Variants in MYOT observed in about 807,000 individuals in gnomAD.
MYOT encodes 57 kDa cytoskeletal protein.
In MYOT, 36 loss-of-function variants were observed where a neutral mutation model predicts 58.0. The ratio of observed to expected loss-of-function variants is 0.62; its 90% CI spans 0.48 to 0.82. The LOEUF is 0.82. MYOT is among the 40% of genes least tolerant of loss of function. MYOT has a pLI of 0.00. For missense variants in MYOT, 505 were observed against 592.1 expected (o/e 0.85, Z 1.53); for synonymous variants, 218 against 204.6 (o/e 1.07, Z -0.56).
intron 1 of MYOT, 64 bp downstream of exon 1, chr5:137,868,017 A>AT (rs1268981112): frequency 1.3e-5 from 2 of 152,130 alleles, no homozygotes; most frequent in Non-Finnish European, 2.9e-5. Context: ...TCCAAATCAG[A>AT]TGAGTGTATA....
At chr5:137,885,137 G>A (rs1271185334) in intron 7 of MYOT, among the ~76,000 whole-genome samples, 1 of 152,174 alleles carries the variant, frequency 6.6e-6, no homozygotes, top group Non-Finnish European at 1.5e-5. Flanking sequence ...GAAAAACCAG[G>A]GTTATGGTAC....
At chr5:137,886,338 A>G in intron 8 of MYOT, 125 bp downstream of exon 8, 1 of 453,748 alleles carries the variant, frequency 2.2e-6, no homozygotes, top group Non-Finnish European at 3.7e-6. Context: ...CTAAAGAATA[A>G]TATAATAAAA....
intron 4 of MYOT, 34 bp downstream of exon 4, chr5:137,877,655 T>C (rs1338551180): frequency 7.1e-7 from 1 of 1,414,254 alleles, no homozygotes; most frequent in Admixed American, 1.7e-5. Context: ...AGTATTTTTA[T>C]TCTGTGCGAT....
intron 7 of MYOT, 142 bp downstream of exon 7, chr5:137,883,733 A>G: frequency 1.4e-6 from 1 of 722,104 alleles, no homozygotes; most frequent in Non-Finnish European, 2.4e-6. Flanking sequence ...ATTTTTATCT[A>G]CAAACCACAG....
At chr5:137,879,069 G>A (rs1755326859) in intron 4 of MYOT, among the ~76,000 whole-genome samples, 1 of 151,988 alleles carries the variant, frequency 6.6e-6, no homozygotes. Flanking sequence ...CCAAATAGAT[G>A]GGACTATAGG....
chr5:137,887,479 T>G lies in MYOT; in HGVS notation c.*94T>G. ...ATTAATCCATAGCTGTATTAACAGATTATGGTTTTAATTAGGTAATATAGT... is the reference window on the plus strand; with the variant it reads ...ATTAATCCATAGCTGTATTAACAGAGTATGGTTTTAATTAGGTAATATAGT... On this transcript the variant is annotated 3_prime_UTR_variant, in exon 10 of 10. Transcript: ENST00000239926. 2 of 1,192,286 alleles carry G rather than the reference T, an allele frequency of 1.7e-6. No individual in the cohort carries two copies. The highest frequency in any genetic ancestry group is 2.4e-6 in the Non-Finnish European group (2 of 824,498). The allele number at this position is 1,192,286 out of a possible 1,614,324, so 73.9% of individuals were successfully genotyped here. A position where few individuals can be genotyped will look rare whatever the true frequency, so the allele number is the denominator to read the frequency against.
At chr5:137,874,754 T>TC (rs1289228835) in intron 2 of MYOT, among the ~76,000 whole-genome samples, 1 of 152,222 alleles carries the variant, frequency 6.6e-6, no homozygotes, top group Non-Finnish European at 1.5e-5. Context: ...TCCCATTTTT[T>TC]CTCTAAAAAT....
intron 1 of MYOT, among the ~76,000 whole-genome samples, chr5:137,868,536 T>G (rs1194496285): frequency 6.6e-6 from 1 of 152,210 alleles, no homozygotes; most frequent in Admixed American, 6.5e-5. Flanking sequence ...TAACATATTT[T>G]TAATTGGGCT....
intron 1 of MYOT, among the ~76,000 whole-genome samples, chr5:137,868,998 T>G (rs1301579762): frequency 2.1e-5 from 3 of 145,526 alleles, no homozygotes; most frequent in East Asian, 1.9e-4. Context: ...GCTGTTTAGT[T>G]GCATTTCTGT....
At position 137,870,760 on chromosome 5, in the gene MYOT, C is replaced by G; in HGVS notation, c.109C>G (p.Gln37Glu). The change falls in exon 2 of 10, where the codon CAG becomes GAG. Residue 37 changes from glutamine to glutamate, a missense_variant. Transcript: ENST00000239926. ...CTCCAGCTTCTCTAGCCAGACCAAA[C>G]AGTCTTCCATTATCATCCAGCCCCG... The part of the protein sequence containing the change: ...ETSSFSSQTK[Q>E]SSIIIQPRQC... 6 of 1,614,222 alleles carry G rather than the reference C, an allele frequency of 3.7e-6. No homozygotes were observed. The highest frequency in any genetic ancestry group is 5.1e-6 in the Non-Finnish European group (6 of 1,180,042).
At chr5:137,868,731 T>C (rs1015618284) in intron 1 of MYOT, among the ~76,000 whole-genome samples, 3 of 152,184 alleles carry the variant, frequency 2.0e-5, no homozygotes, top group African/African-American at 7.2e-5. Flanking sequence ...CAGAAAGAAA[T>C]TTAGGAATCA....
At chr5:137,878,309 C>G (rs1369688099) in intron 4 of MYOT, among the ~76,000 whole-genome samples, 1 of 151,784 alleles carries the variant, frequency 6.6e-6, no homozygotes, top group Non-Finnish European at 1.5e-5. Context: ...ACTCCACCTC[C>G]CAGGTTCAAG....
At chr5:137,881,476 C>G (rs1340115762) in intron 5 of MYOT, among the ~76,000 whole-genome samples, 1 of 152,058 alleles carries the variant, frequency 6.6e-6, no homozygotes, top group Non-Finnish European at 1.5e-5. Context: ...ACCAGGCTGA[C>G]CAACATAGTG....
chr5:137,881,595 C>T (rs1482217173), intron 5 of MYOT, among the ~76,000 whole-genome samples: 1 of 152,126 alleles, frequency 6.6e-6, no homozygotes, highest in African/African-American at 2.4e-5. Flanking sequence ...ACCCAAGAAG[C>T]GGAGGTTGGT....
chr5:137,885,007 T>A (rs1420833176), intron 7 of MYOT, among the ~76,000 whole-genome samples: 1 of 152,182 alleles, frequency 6.6e-6, no homozygotes, highest in Non-Finnish European at 1.5e-5. Context: ...CAAAAACACA[T>A]ACAATTTAAG....
intron 3 of MYOT, 95 bp downstream of exon 3, chr5:137,876,098 T>C: frequency 7.9e-7 from 1 of 1,257,970 alleles, no homozygotes; most frequent in Non-Finnish European, 1.1e-6. Flanking sequence ...GGTCCATATA[T>C]CAACAAGGAA....
At position 137,875,953 on chromosome 5, in the gene MYOT, T is replaced by G. The variant is rs899795363; in HGVS notation, c.481T>G (p.Leu161Val). The G allele has an allele frequency of 1.9e-6, 3 of 1,614,010 alleles. No individual in the cohort carries two copies. Among genetic ancestry groups the G allele is most frequent in the Non-Finnish European group, 2.5e-6 (3 of 1,179,978 alleles). Residue 161 changes from leucine to valine, a missense_variant, in exon 3 of 10, where the codon TTG becomes GTG. By Grantham distance (32) the Leu-to-Val change is conservative. Coordinates refer to ENST00000239926, the MANE Select transcript of MYOT (RefSeq NM_006790.3). ...QGSKEALIQD[L>V]ERKLKCKDTL... ...ATCAAAAGAAGCTTTGATTCAAGAT[T>G]TGGAAAGAAAGCTGAAATGCAAGGA... is the stretch of plus-strand genomic sequence containing the variant.
At position 137,870,858 on chromosome 5, in the gene MYOT, C is replaced by G. The variant is rs1755028235; in HGVS notation, c.207C>G (p.Phe69Leu). The G allele has an allele frequency of 1.2e-6, 2 of 1,614,184 alleles. No individual in the cohort carries two copies. Among genetic ancestry groups the G allele is most frequent in the East Asian group, 4.5e-5 (2 of 44,878 alleles). The change falls in exon 2 of 10, where the codon TTC (phenylalanine) becomes TTG (leucine). Residue 69 changes from phenylalanine (F) to leucine (L), a missense_variant. Phe to Leu is a conservative substitution (Grantham distance 22). Coordinates refer to ENST00000239926, the MANE Select transcript of MYOT (RefSeq NM_006790.3). ...ACATCACCATGTCCTCCTCTGCTTT[C>G]CCTGCTTCTCCCCAGCAGCATGCTG... The part of the protein sequence containing the change: ...SSHITMSSSA[F>L]PASPQQHAGS...
At chr5:137,877,644 G>A (rs755164984) in intron 4 of MYOT, 23 bp downstream of exon 4, 10 of 1,495,322 alleles carry the variant, frequency 6.7e-6, no homozygotes, top group Non-Finnish European at 9.3e-6. Flanking sequence ...GCTCTAAGTG[G>A]AGTATTTTTA....
Sources: allele counts gnomAD v4.1 joint callset (sites outside exome capture counted in the v4.1 genomes callset), GRCh38; gene constraint gnomAD v4.1.1; transcripts MANE v1.5; gene names NCBI Gene and HGNC (gene_info 2026-07-23, HGNC 2026-07-21).